Variants in MAP4K5 observed in about 807,000 individuals in gnomAD.
MAP4K5 encodes MAPK/ERK kinase kinase kinase 5.
In MAP4K5, 82 loss-of-function variants were observed where a neutral mutation model predicts 135.6. The ratio of observed to expected loss-of-function variants is 0.60; its 90% CI spans 0.51 to 0.73. MAP4K5 has a LOEUF of 0.73. Among genes scored for constraint, MAP4K5 ranks in the 30% least tolerant of loss-of-function variants. The pLI is 0.00. For missense variants in MAP4K5, 907 were observed against 1,010.9 expected, an observed-to-expected ratio of 0.90 and a Z score of 1.39; for synonymous variants, 347 against 335.0, an observed-to-expected ratio of 1.04 and a Z score of -0.39.
chr14:50,435,731 T>A (rs2036075688), intron 26 of MAP4K5, among the ~76,000 whole-genome samples: 2 of 152,140 alleles, frequency 1.3e-5, no homozygotes, highest in African/African-American at 4.8e-5. Context: ...TACAGATGTC[T>A]ACTTAAGATG....
chr14:50,516,269 T>A (rs1407043899), intron 2 of MAP4K5, among the ~76,000 whole-genome samples: 2 of 152,222 alleles, frequency 1.3e-5, no homozygotes, highest in African/African-American at 4.8e-5. Context: ...AGTGGTCCCA[T>A]TTACTGAGAT....
chr14:50,558,751 A>G (rs1360640411), intron 1 of MAP4K5, among the ~76,000 whole-genome samples: 2 of 152,208 alleles, frequency 1.3e-5, no homozygotes, highest in African/African-American at 2.4e-5. Flanking sequence ...GGAATATAAG[A>G]AGAAAAGCAG....
chr14:50,503,866 G>C lies in MAP4K5; in HGVS notation c.166+934C>G, dbSNP rs185103605. ...TTGCTCTAGTGACTTTTCCAGGACA[G>C]GCAAAGGCTTGTATAGTTCTGTTAT... On this transcript the variant is annotated intron_variant, in intron 3 of 32. Transcript: ENST00000682126. Among the ~76,000 whole-genome samples the C allele has an allele frequency of 5.3e-5, 8 of 152,176 alleles. No individual in the cohort carries two copies. In the East Asian group the frequency reaches 1.5e-3, roughly 29 times the overall value.
intron 5 of MAP4K5, 57 bp downstream of exon 5, chr14:50,485,521 G>C: frequency 8.9e-7 from 1 of 1,122,886 alleles, no homozygotes; most frequent in Non-Finnish European, 1.3e-6. Context: ...TGGAAATATC[G>C]AACAACAATC....
At chr14:50,474,568 TG>T (rs71118887) in intron 9 of MAP4K5, among the ~76,000 whole-genome samples, 29,417 of 151,672 alleles carry the variant, frequency 0.19, 3,513 homozygotes, top group Middle Eastern at 0.28. Context: ...GCACTAAGAG[TG>T]GGGTGGCTGG....
At chr14:50,469,221 A>G (rs956349525) in intron 9 of MAP4K5, among the ~76,000 whole-genome samples, 2 of 152,206 alleles carry the variant, frequency 1.3e-5, no homozygotes, top group Non-Finnish European at 2.9e-5. Flanking sequence ...ACAGTGCTCA[A>G]TGTATCACCT....
chr14:50,426,051 A>G (rs1346050320), intron 30 of MAP4K5, 74 bp from the exon 31 acceptor site: 4 of 914,270 alleles, frequency 4.4e-6, no homozygotes, highest in Non-Finnish European at 6.9e-6. Context: ...TCTACTTTTA[A>G]TAAATAATAT....
At chr14:50,453,638 A>G (rs2036539128) in intron 14 of MAP4K5, among the ~76,000 whole-genome samples, 1 of 152,152 alleles carries the variant, frequency 6.6e-6, no homozygotes, top group South Asian at 2.1e-4. Context: ...CAGAGCTTCA[A>G]ATAAAGGCAT....
At chr14:50,545,511 A>T (rs1366795784) in intron 1 of MAP4K5, among the ~76,000 whole-genome samples, 1 of 152,190 alleles carries the variant, frequency 6.6e-6, no homozygotes, top group African/African-American at 2.4e-5. Flanking sequence ...CTGCTTGAGT[A>T]CAGGGATGCT....
intron 18 of MAP4K5, 32 bp downstream of exon 18, chr14:50,445,009 T>C (rs774105264): frequency 1.9e-6 from 3 of 1,594,968 alleles, no homozygotes; most frequent in East Asian, 2.2e-5. Flanking sequence ...TAGCCATATG[T>C]ACCCCATGGC....
At chr14:50,527,287 C>T (rs998879619) in intron 2 of MAP4K5, among the ~76,000 whole-genome samples, 3 of 151,958 alleles carry the variant, frequency 2.0e-5, no homozygotes, top group African/African-American at 7.3e-5. Context: ...TTGCAGTAAG[C>T]TGAGATTGCG....
chr14:50,461,501 G>T (rs545116032), intron 13 of MAP4K5, among the ~76,000 whole-genome samples: 3 of 152,108 alleles, frequency 2.0e-5, no homozygotes, highest in Non-Finnish European at 4.4e-5. Context: ...AAAAGGAGAA[G>T]AAGGAACATA....
chr14:50,508,048 A>G (rs1408673514), intron 2 of MAP4K5, among the ~76,000 whole-genome samples: 1 of 152,130 alleles, frequency 6.6e-6, no homozygotes, highest in Non-Finnish European at 1.5e-5. Flanking sequence ...GGGTGCATAT[A>G]TATTTAGGAT....
At chr14:50,478,837 AT>A (rs1000179873) in intron 6 of MAP4K5, among the ~76,000 whole-genome samples, 7 of 151,612 alleles carry the variant, frequency 4.6e-5, no homozygotes, top group African/African-American at 1.2e-4. Flanking sequence ...TAGGTTGACA[AT>A]TTTTTTTCAG....
intron 1 of MAP4K5, chr14:50,560,173 G>A (rs1487357280): frequency 2.7e-6 from 4 of 1,496,232 alleles, no homozygotes; most frequent in Non-Finnish European, 3.7e-6. Flanking sequence ...GCCCAGCGCG[G>A]GCACGGAGCC....
intron 21 of MAP4K5, among the ~76,000 whole-genome samples, chr14:50,441,203 C>A (rs1171218139): frequency 1.3e-5 from 2 of 152,138 alleles, no homozygotes; most frequent in African/African-American, 2.4e-5. Context: ...GAGTGAAATT[C>A]TGAATGGCAA....
At chr14:50,487,050 G>A (rs75001060) in intron 3 of MAP4K5, among the ~76,000 whole-genome samples, 4 of 152,266 alleles carry the variant, frequency 2.6e-5, no homozygotes, top group African/African-American at 9.6e-5. Flanking sequence ...AACTTTTTCA[G>A]TTCAAAACCA....
intron 1 of MAP4K5, among the ~76,000 whole-genome samples, chr14:50,557,325 T>G (rs2038776671): frequency 6.6e-6 from 1 of 152,222 alleles, no homozygotes; most frequent in Non-Finnish European, 1.5e-5. Context: ...TCTACCCTAT[T>G]CCCACCCATC....
intron 3 of MAP4K5, 120 bp from the exon 4 acceptor site, chr14:50,486,314 G>A (rs2037362762): frequency 2.0e-6 from 1 of 491,258 alleles, no homozygotes; most frequent in Non-Finnish European, 3.6e-6. Flanking sequence ...ATACTTCAAT[G>A]AAAATGTAAA....
Sources: allele counts gnomAD v4.1 joint callset (sites outside exome capture counted in the v4.1 genomes callset), GRCh38; gene constraint gnomAD v4.1.1; transcripts MANE v1.5; gene names NCBI Gene and HGNC (gene_info 2026-07-23, HGNC 2026-07-21).